CNTNAP5: variants seen among roughly 807,000 people sequenced by gnomAD.
CNTNAP5 encodes the protein contactin associated protein family member 5.
A neutral mutation model predicts 150.2 loss-of-function variants in CNTNAP5; 72 were observed. The ratio of observed to expected loss-of-function variants is 0.48; its 90% CI spans 0.40 to 0.58. The LOEUF is 0.58. Ranked by LOEUF, CNTNAP5 falls within the 20% of genes least tolerant of loss-of-function variation. CNTNAP5 has a pLI of 0.00. For synonymous variants in CNTNAP5, 672 were observed against 619.8 expected, an observed-to-expected ratio of 1.08 and a Z score of -1.25; for missense variants, 1,636 against 1,626.2, an observed-to-expected ratio of 1.01 and a Z score of -0.10.
chr2:124,775,813 G>C (rs1018764347), intron 17 of CNTNAP5, among the ~76,000 whole-genome samples: 2 of 152,138 alleles, frequency 1.3e-5, no homozygotes, highest in Non-Finnish European at 2.9e-5. Flanking sequence ...CTGCAAGCGT[G>C]TGGCATTCTC....
At position 124,521,636 on chromosome 2, in the gene CNTNAP5, T is replaced by A. The variant is rs112830324; in HGVS notation, c.1328-2667T>A. Among the ~76,000 whole-genome samples the A allele has an allele frequency of 1.5e-3, 227 of 152,342 alleles. 1 individual carries two copies. The highest frequency in any genetic ancestry group is 2.9e-3 in the Non-Finnish European group (196 of 68,022). The stretch of plus-strand genomic sequence containing the variant: ...ACATTCTTCTCTACTGTATCACTGA[T>A]GCCTAGCAGGGTGCTTGGCCTTTAG... On this transcript the variant is annotated intron_variant, in intron 8 of 23. Coordinates refer to ENST00000682447, the MANE Select transcript of CNTNAP5 (RefSeq NM_001367498.1).
At chr2:124,846,232 T>C (rs572915195) in intron 19 of CNTNAP5, among the ~76,000 whole-genome samples, 1 of 152,226 alleles carries the variant, frequency 6.6e-6, no homozygotes, top group South Asian at 2.1e-4. Flanking sequence ...TTCAAAGAAT[T>C]TTTAGAATTT....
intron 10 of CNTNAP5, among the ~76,000 whole-genome samples, chr2:124,547,704 A>C (rs1461736043): frequency 6.6e-6 from 1 of 152,204 alleles, no homozygotes; most frequent in East Asian, 1.9e-4. Flanking sequence ...AGGGGTTCTC[A>C]TATTTAAGAT....
At chr2:124,341,810 G>A (rs1689623264) in intron 3 of CNTNAP5, among the ~76,000 whole-genome samples, 2 of 152,120 alleles carry the variant, frequency 1.3e-5, no homozygotes, top group South Asian at 2.1e-4. Context: ...TGTAGTTTGC[G>A]TGTTATGAGA....
intron 13 of CNTNAP5, among the ~76,000 whole-genome samples, chr2:124,710,772 A>G (rs112246562): frequency 1.8e-4 from 27 of 152,260 alleles, no homozygotes; most frequent in African/African-American, 5.3e-4. Flanking sequence ...TCATTGTTTA[A>G]TTCAGCAAAC....
At chr2:124,546,620 T>C (rs1695517021) in intron 10 of CNTNAP5, among the ~76,000 whole-genome samples, 1 of 152,174 alleles carries the variant, frequency 6.6e-6, no homozygotes, top group Non-Finnish European at 1.5e-5. Context: ...GTTGGTAGTG[T>C]AGACAATGTG....
At chr2:124,113,351 A>G (rs1182656802) in intron 1 of CNTNAP5, among the ~76,000 whole-genome samples, 1 of 152,140 alleles carries the variant, frequency 6.6e-6, no homozygotes, top group African/African-American at 2.4e-5. Flanking sequence ...CTCAAAAAGA[A>G]AACGTTAAAA....
chr2:124,377,617 G>A (rs1690682713), intron 3 of CNTNAP5, among the ~76,000 whole-genome samples: 1 of 151,412 alleles, frequency 6.6e-6, no homozygotes, highest in African/African-American at 2.4e-5. Context: ...GGAGGTTGCA[G>A]TGAGCCAAGG....
chr2:124,465,982 A>C (rs1693369095), intron 6 of CNTNAP5, among the ~76,000 whole-genome samples: 1 of 152,072 alleles, frequency 6.6e-6, no homozygotes. Flanking sequence ...AGAGACAAAA[A>C]AAAGTCAGTT....
intron 13 of CNTNAP5, among the ~76,000 whole-genome samples, chr2:124,652,130 T>A (rs1225563649): frequency 2.0e-5 from 3 of 152,182 alleles, no homozygotes; most frequent in Non-Finnish European, 2.9e-5. Context: ...TGCCAACCAA[T>A]GGAATGCATC....
At chr2:124,290,870 CTTCCTTTATTTA>C (rs1688270297) in intron 3 of CNTNAP5, among the ~76,000 whole-genome samples, 2 of 145,030 alleles carry the variant, frequency 1.4e-5, no homozygotes, top group African/African-American at 2.6e-5. Flanking sequence ...TCTCATCTTC[CTTCCTTTATTTA>C]TTTATTTATT....
chr2:124,324,671 A>G (rs1226399766), intron 3 of CNTNAP5, among the ~76,000 whole-genome samples: 2 of 152,152 alleles, frequency 1.3e-5, no homozygotes. Context: ...ATGCTGAAAC[A>G]ATGTGGTTAG....
chr2:124,109,652 G>A (rs1161079599), intron 1 of CNTNAP5, among the ~76,000 whole-genome samples: 2 of 152,166 alleles, frequency 1.3e-5, no homozygotes, highest in Non-Finnish European at 2.9e-5. Flanking sequence ...TCACAGAAGG[G>A]ATAAACAGAC....
intron 10 of CNTNAP5, among the ~76,000 whole-genome samples, chr2:124,539,270 A>G (rs982798488): frequency 6.6e-6 from 1 of 152,228 alleles, no homozygotes; most frequent in Non-Finnish European, 1.5e-5. Context: ...TAGAATTCCA[A>G]TTAGGCCTTG....
intron 7 of CNTNAP5, among the ~76,000 whole-genome samples, chr2:124,499,193 C>T (rs1170719855): frequency 6.6e-6 from 1 of 152,076 alleles, no homozygotes; most frequent in Admixed American, 6.5e-5. Flanking sequence ...CTAGTTCTGC[C>T]TAAATTTAAC....
At position 124,906,516 on chromosome 2, in the gene CNTNAP5, C is replaced by A. The variant is rs140010418; in HGVS notation, c.3655+3416C>A. Among the ~76,000 whole-genome samples the A allele has an allele frequency of 1.2e-3, 184 of 152,068 alleles. 1 individual carries two copies. The highest frequency in any genetic ancestry group is 4.2e-3 in the African/African-American group (174 of 41,484). On this transcript the variant is annotated intron_variant, in intron 22 of 23. Coordinates refer to ENST00000682447, the MANE Select transcript of CNTNAP5 (RefSeq NM_001367498.1). Reference sequence around the variant, plus strand: ...GCACAATTCCCCCAGCAGTGGTCTACGATAGGTCATGATGTGTTAGTAGGA... The same window carrying A: ...GCACAATTCCCCCAGCAGTGGTCTAAGATAGGTCATGATGTGTTAGTAGGA...
intron 3 of CNTNAP5, among the ~76,000 whole-genome samples, chr2:124,387,229 T>A (rs1353720331): frequency 6.6e-6 from 1 of 152,260 alleles, no homozygotes; most frequent in African/African-American, 2.4e-5. Context: ...GACTAGAATG[T>A]CATCTTTTCT....
intron 4 of CNTNAP5, among the ~76,000 whole-genome samples, chr2:124,426,260 G>A (rs1692236517): frequency 6.6e-6 from 1 of 152,092 alleles, no homozygotes; most frequent in Admixed American, 6.5e-5. Context: ...GCTATGTTAG[G>A]AGTTGTCACA....
intron 12 of CNTNAP5, among the ~76,000 whole-genome samples, chr2:124,643,375 A>G (rs764692079): frequency 1.2e-4 from 19 of 152,060 alleles, no homozygotes; most frequent in Admixed American, 5.2e-4. Context: ...AGAGGGCAAT[A>G]TTTTTCCAGG....
Sources: gnomAD v4.1 joint callset for allele counts (sites outside exome capture counted in the v4.1 genomes callset) on GRCh38, gnomAD v4.1.1 for gene constraint, MANE v1.5 for transcripts, NCBI Gene and HGNC (gene_info 2026-07-23, HGNC 2026-07-21) for gene names.